Variants in GCKR observed in about 807,000 individuals in gnomAD.
The protein encoded by GCKR is glucokinase regulatory protein.
A neutral mutation model predicts 82.9 loss-of-function variants in GCKR; 73 were observed. That is an observed-to-expected ratio of 0.88 (90% CI 0.73 to 1.07). The LOEUF (loss-of-function observed/expected upper bound fraction) is 1.07, where lower values mean the gene tolerates loss of function less well. Among genes scored for constraint, GCKR ranks in the 50% least tolerant of loss-of-function variants. The pLI, the probability that GCKR is intolerant of heterozygous loss-of-function variation, is 0.00. For synonymous variants in GCKR, 294 were observed against 291.8 expected, an observed-to-expected ratio of 1.01 and a Z score of -0.08; for missense variants, 784 against 782.1, an observed-to-expected ratio of 1.00 and a Z score of -0.03.
At chr2:27,506,370 G>A in intron 10 of GCKR, 111 bp from the exon 11 acceptor site, 1 of 779,650 alleles carries the variant, frequency 1.3e-6, no homozygotes, top group Non-Finnish European at 2.3e-6. Context: ...CCAGGGACCA[G>A]CAGAATTTAG....
At chr2:27,506,144 G>T (rs1669734579) in intron 10 of GCKR, among the ~76,000 whole-genome samples, 1 of 152,146 alleles carries the variant, frequency 6.6e-6, no homozygotes, top group Non-Finnish European at 1.5e-5. Context: ...AGGCCATGCA[G>T]GTAGAGCTTA....
At chr2:27,520,536 A>C (rs1026006120) in intron 17 of GCKR, among the ~76,000 whole-genome samples, 3 of 152,226 alleles carry the variant, frequency 2.0e-5, no homozygotes, top group African/African-American at 7.2e-5. Context: ...GACTTTGCCA[A>C]ATGCAGCTAG....
intron 9 of GCKR, among the ~76,000 whole-genome samples, chr2:27,504,640 A>C (rs1572863047): frequency 6.6e-6 from 1 of 150,758 alleles, no homozygotes; most frequent in Non-Finnish European, 1.5e-5. Context: ...GAGCCACCGC[A>C]CCCAGCCTCA....
chr2:27,498,196 A>G, intron 3 of GCKR, 59 bp from the exon 4 acceptor site: 3 of 1,282,312 alleles, frequency 2.3e-6, no homozygotes, highest in Non-Finnish European at 3.4e-6. Flanking sequence ...CAAAGAAAAG[A>G]ATATTCTTCT....
chr2:27,496,987 G>T (rs768514408), intron 1 of GCKR, 23 bp downstream of exon 1: 4 of 1,574,302 alleles, frequency 2.5e-6, no homozygotes, highest in Non-Finnish European at 3.5e-6. Context: ...CTTCATGTTG[G>T]CTTTCTGTGC....
intron 16 of GCKR, among the ~76,000 whole-genome samples, chr2:27,518,110 A>G (rs1261808919): frequency 6.6e-6 from 1 of 152,178 alleles, no homozygotes; most frequent in African/African-American, 2.4e-5. Flanking sequence ...CAGTGGCACA[A>G]TCTAGGCTCA....
At chr2:27,515,267 C>T (rs923640307) in intron 16 of GCKR, among the ~76,000 whole-genome samples, 46 of 150,328 alleles carry the variant, frequency 3.1e-4, no homozygotes, top group African/African-American at 8.4e-4. Flanking sequence ...TGAGCCACCA[C>T]GCCCAGCCTT....
chr2:27,514,907 T>G (rs1051827323), intron 16 of GCKR, among the ~76,000 whole-genome samples: 72 of 152,294 alleles, frequency 4.7e-4, no homozygotes, highest in African/African-American at 1.5e-3. Flanking sequence ...GTTTTTGGAT[T>G]TTGTCAACCT....
chr2:27,515,766 T>TATATA (rs1491545989), intron 16 of GCKR, among the ~76,000 whole-genome samples: 6 of 73,926 alleles, frequency 8.1e-5, no homozygotes, highest in African/African-American at 3.0e-4. Context: ...TATATATATA[T>TATATA]TTTTTTTTTT....
At chr2:27,506,264 G>T (rs932280897) in intron 10 of GCKR, among the ~76,000 whole-genome samples, 2 of 152,170 alleles carry the variant, frequency 1.3e-5, no homozygotes, top group Non-Finnish European at 2.9e-5. Flanking sequence ...CTTTCCTGCT[G>T]CACTCGTCCC....
chr2:27,499,177 G>A lies in GCKR; in HGVS notation c.464G>A (p.Ser155Asn), dbSNP rs760367846. 1.2e-6 allele frequency: 2 copies of A among 1,611,960 alleles called. No individual in the cohort carries two copies. The highest frequency in any genetic ancestry group is 1.1e-5 in the South Asian group (1 of 91,026). ...GCCTCTAGGGAGGGGACAGAAGATAGTGCCTTGCACGGGATTGAGGAACTG... is the reference window on the plus strand; with the variant it reads ...GCCTCTAGGGAGGGGACAGAAGATAATGCCTTGCACGGGATTGAGGAACTG... The part of the protein sequence containing the change: ...VVASREGTED[S>N]ALHGIEELKK... Residue 155 changes from serine to asparagine, a missense_variant, in exon 6 of 19, where the codon AGT becomes AAT. Coordinates refer to ENST00000264717, the MANE Select transcript of GCKR (RefSeq NM_001486.4).
chr2:27,510,927 C>T (rs1008401295), intron 16 of GCKR, among the ~76,000 whole-genome samples: 24 of 151,202 alleles, frequency 1.6e-4, no homozygotes, highest in African/African-American at 5.6e-4. Flanking sequence ...TTTGTTTTTA[C>T]GTTTTTTATG....
In GCKR at chr2:27,505,806, CTG is replaced by C. The variant is rs773524248; in HGVS notation, c.842_843del (p.Val281GlyfsTer19). ...ACCCTGTTATTAGCAGCCCATAAGACTGTGGACCAGGGCATTGCAGCATCTCA... is the reference window on the plus strand; with the variant it reads ...ACCCTGTTATTAGCAGCCCATAAGACTGGACCAGGGCATTGCAGCATCTCA... On this transcript the variant is annotated frameshift_variant, in exon 10 of 19. Transcript: ENST00000264717. LOFTEE classifies it high-confidence loss of function. The C allele has an allele frequency of 6.3e-7, 1 of 1,597,034 alleles. No individual in the cohort carries two copies. The highest frequency in any genetic ancestry group is 8.6e-7 in the Non-Finnish European group (1 of 1,164,540).
chr2:27,497,380 A>G lies in GCKR; in HGVS notation c.197A>G (p.Gln66Arg), dbSNP rs1669440510. 1 of 1,614,072 alleles carries G rather than the reference A, an allele frequency of 6.2e-7. No individual in the cohort carries two copies. Among genetic ancestry groups the G allele is most frequent in the African/African-American group, 1.3e-5 (1 of 74,900 alleles). The change falls in exon 2 of 19, where the codon CAA becomes CGA. Residue 66 changes from glutamine (Q) to arginine (R), a missense_variant. Gln to Arg is a conservative substitution (Grantham distance 43). Transcript: ENST00000264717. Reference sequence around the variant, plus strand: ...GCTGAGATCTTCCAGGAGGAGGGGCAAGCCCTGTCCACATACCAGGTAACC... The same window carrying G: ...GCTGAGATCTTCCAGGAGGAGGGGCGAGCCCTGTCCACATACCAGGTAACC... ...CDAEIFQEEG[Q>R]ALSTYQRLYS...
chr2:27,516,280 C>CTTTTT (rs1572873022), intron 16 of GCKR, among the ~76,000 whole-genome samples: 1 of 88,398 alleles, frequency 1.1e-5, no homozygotes, highest in Non-Finnish European at 2.3e-5. Context: ...GTTCTTCATT[C>CTTTTT]TTGTTTTTTT....
chr2:27,515,640 C>T (rs1378136757), intron 16 of GCKR, among the ~76,000 whole-genome samples: 3 of 150,748 alleles, frequency 2.0e-5, no homozygotes, highest in African/African-American at 7.3e-5. Context: ...TTCTTTTTTT[C>T]TTTTTTAAAC....
chr2:27,506,462 C>T lies in GCKR; in HGVS notation c.870-19C>T. ...GGGGGAATTGGGCCCTTCTTGAGAG[C>T]TGGTGGCTTTTCTCCCAGATGCCTC... On this transcript the variant is annotated intron_variant, in intron 10 of 18. Transcript: ENST00000264717. 1 of 1,562,270 alleles carries T rather than the reference C, an allele frequency of 6.4e-7. No individual in the cohort carries two copies. The highest frequency in any genetic ancestry group is 8.8e-7 in the Non-Finnish European group (1 of 1,132,568).
chr2:27,515,940 ATTT>A (rs35843492), intron 16 of GCKR, among the ~76,000 whole-genome samples: 1 of 131,966 alleles, frequency 7.6e-6, no homozygotes, highest in Admixed American at 7.7e-5. Context: ...ATTAAACAAA[ATTT>A]TTTTTTTTTT....
chr2:27,518,937 G>T lies in GCKR; in HGVS notation c.1572G>T (p.Gln524His), dbSNP rs554076644. 6.2e-7 allele frequency: 1 copy of T among 1,611,828 alleles called. No homozygotes were observed. Among genetic ancestry groups the T allele is most frequent in the Middle Eastern group, 1.8e-4 (1 of 5,446 alleles). The part of the protein sequence containing the change: ...KLFWRALAML[Q>H]RFSGQSKARC... ...TCTGGCGGGCGCTGGCCATGCTGCA[G>T]GTAGGGATATGATGGGGCAGGGTTG... Residue 524 changes from glutamine to histidine, a missense_variant and splice_region_variant, in exon 17 of 19, where the codon CAG becomes CAT. Coordinates refer to ENST00000264717, the MANE Select transcript of GCKR (RefSeq NM_001486.4).
Sources: gnomAD v4.1 joint callset for allele counts (sites outside exome capture counted in the v4.1 genomes callset) on GRCh38, gnomAD v4.1.1 for gene constraint, MANE v1.5 for transcripts, NCBI Gene and HGNC (gene_info 2026-07-23, HGNC 2026-07-21) for gene names.